Variants in EXOC6B observed in about 807,000 individuals in gnomAD.
The protein encoded by EXOC6B is exocyst complex component 6B, also known as SEC15 homolog B.
EXOC6B carries 54 observed loss-of-function variants against 113.5 expected under a neutral mutation model. The observed-to-expected ratio is 0.48, with a 90% CI of 0.38 to 0.60. EXOC6B has a LOEUF of 0.60. Ranked by LOEUF, EXOC6B falls within the 20% of genes least tolerant of loss-of-function variation. The probability of loss-of-function intolerance (pLI) is 0.00; values close to 1 mark genes in which losing one functional copy is unlikely to be tolerated. For missense variants in EXOC6B, 797 were observed against 977.5 expected (o/e 0.82, Z 2.46); for synonymous variants, 357 against 339.0 (o/e 1.05, Z -0.58).
intron 11 of EXOC6B, among the ~76,000 whole-genome samples, chr2:72,503,744 T>C (rs1416260754): frequency 6.6e-6 from 1 of 152,182 alleles, no homozygotes; most frequent in Non-Finnish European, 1.5e-5. Context: ...AGTAAGACTA[T>C]GTTTCATTTT....
chr2:72,423,762 TACAC>T (rs1055413724), intron 18 of EXOC6B, among the ~76,000 whole-genome samples: 6 of 152,218 alleles, frequency 3.9e-5, no homozygotes, highest in East Asian at 1.9e-4. Context: ...CACACATACA[TACAC>T]ACATGCACAC....
chr2:72,654,390 GT>G (rs1674440129), intron 6 of EXOC6B, among the ~76,000 whole-genome samples: 2 of 152,166 alleles, frequency 1.3e-5, no homozygotes, highest in Admixed American at 1.3e-4. Flanking sequence ...CCCAAAGTTA[GT>G]TTCCTAATTT....
At chr2:72,654,499 A>G (rs535056074) in intron 6 of EXOC6B, among the ~76,000 whole-genome samples, 1 of 152,352 alleles carries the variant, frequency 6.6e-6, no homozygotes, top group Admixed American at 6.5e-5. Context: ...CCTAGGTTTC[A>G]AAACTGATGT....
intron 17 of EXOC6B, among the ~76,000 whole-genome samples, chr2:72,473,117 T>C (rs1320956668): frequency 2.6e-5 from 4 of 152,158 alleles, no homozygotes; most frequent in Admixed American, 2.6e-4. Flanking sequence ...TCTTGGAGAA[T>C]GTTCCTTGTG....
At position 72,731,414 on chromosome 2, in the gene EXOC6B, GCA is replaced by G. The variant is rs1291978485; in HGVS notation, c.328-171_328-170del. ...CTTTCCTAACCAGTAAAACATTCCTGCACAGTTTCCCGCTTTCTCCCCAAGAT... is the reference window on the plus strand; with the variant it reads ...CTTTCCTAACCAGTAAAACATTCCTGCAGTTTCCCGCTTTCTCCCCAAGAT... On this transcript the variant is annotated intron_variant, in intron 3 of 21. Transcript: ENST00000272427. Among the ~76,000 whole-genome samples the G allele has an allele frequency of 2.0e-5, 3 of 152,134 alleles. No individual in the cohort carries two copies. The East Asian group carries it at 5.8e-4, about 29-fold the overall frequency.
intron 20 of EXOC6B, among the ~76,000 whole-genome samples, chr2:72,327,264 C>T (rs1688179302): frequency 6.6e-6 from 1 of 152,034 alleles, no homozygotes; most frequent in Non-Finnish European, 1.5e-5. Flanking sequence ...TGTGCTTGCT[C>T]TCTGAGGAAA....
chr2:72,484,493 G>C (rs988005606), intron 16 of EXOC6B, among the ~76,000 whole-genome samples: 3 of 150,780 alleles, frequency 2.0e-5, no homozygotes, highest in African/African-American at 7.3e-5. Flanking sequence ...CGTGAACCCA[G>C]GAGGCGGAGC....
At chr2:72,427,144 T>A (rs1695242868) in intron 18 of EXOC6B, among the ~76,000 whole-genome samples, 1 of 152,176 alleles carries the variant, frequency 6.6e-6, no homozygotes, top group Non-Finnish European at 1.5e-5. Context: ...GGAGCCCCCC[T>A]GGAGCCAGCC....
At chr2:72,625,898 C>T (rs562586538) in intron 6 of EXOC6B, among the ~76,000 whole-genome samples, 1 of 152,270 alleles carries the variant, frequency 6.6e-6, no homozygotes, top group African/African-American at 2.4e-5. Flanking sequence ...TGGTTTTTTA[C>T]AAAACTATTA....
At chr2:72,576,796 A>C (rs1490889936) in intron 6 of EXOC6B, among the ~76,000 whole-genome samples, 4 of 152,110 alleles carry the variant, frequency 2.6e-5, no homozygotes, top group Non-Finnish European at 4.4e-5. Context: ...TCCCAAGAGA[A>C]CTTTCCTTTT....
intron 15 of EXOC6B, among the ~76,000 whole-genome samples, chr2:72,493,313 T>C (rs1699849229): frequency 4.9e-5 from 2 of 41,084 alleles, no homozygotes; most frequent in South Asian, 5.6e-3. Context: ...ACCTTCTCTG[T>C]TTTTCTCCCC....
intron 6 of EXOC6B, among the ~76,000 whole-genome samples, chr2:72,651,578 A>G (rs1674165456): frequency 6.6e-6 from 1 of 152,222 alleles, no homozygotes; most frequent in African/African-American, 2.4e-5. Context: ...ACACCATCCT[A>G]ATACAATAGT....
intron 6 of EXOC6B, among the ~76,000 whole-genome samples, chr2:72,600,308 G>A (rs773042623): frequency 6.6e-6 from 1 of 151,950 alleles, no homozygotes; most frequent in Non-Finnish European, 1.5e-5. Context: ...CAGTGTGGTG[G>A]CATACACCTG....
At chr2:72,508,122 T>A (rs1016875304) in intron 11 of EXOC6B, among the ~76,000 whole-genome samples, 2 of 79,160 alleles carry the variant, frequency 2.5e-5, no homozygotes, top group Non-Finnish European at 2.4e-5. Context: ...AGTTAATAAA[T>A]ATGATGGGGG....
At chr2:72,499,262 A>G (rs1455695062) in intron 12 of EXOC6B, among the ~76,000 whole-genome samples, 1 of 147,344 alleles carries the variant, frequency 6.8e-6, no homozygotes, top group Non-Finnish European at 1.5e-5. Context: ...ACAGAGTTTC[A>G]CCCTGTCGCC....
At chr2:72,458,755 A>T (rs536571579) in intron 18 of EXOC6B, among the ~76,000 whole-genome samples, 3 of 152,236 alleles carry the variant, frequency 2.0e-5, no homozygotes, top group African/African-American at 7.2e-5. Context: ...AAAAGCATGC[A>T]TTTTAATTCA....
intron 1 of EXOC6B, among the ~76,000 whole-genome samples, chr2:72,777,772 A>G (rs1683793240): frequency 6.6e-6 from 1 of 152,214 alleles, no homozygotes; most frequent in Non-Finnish European, 1.5e-5. Flanking sequence ...ATGAGCATAC[A>G]TTGTATAAAG....
At chr2:72,179,571 G>A in intron 21 of EXOC6B, 110 bp from the exon 22 acceptor site, 1 of 1,274,144 alleles carries the variant, frequency 7.8e-7, no homozygotes, top group African/African-American at 1.5e-5. Flanking sequence ...CCAGAGTAAT[G>A]AGAGAGTCCA....
intron 1 of EXOC6B, among the ~76,000 whole-genome samples, chr2:72,775,942 T>C (rs759409975): frequency 6.6e-6 from 1 of 152,240 alleles, no homozygotes; most frequent in Non-Finnish European, 1.5e-5. Flanking sequence ...AGGTGAATTA[T>C]ATCAATGTCA....
Sources: gnomAD v4.1 joint callset for allele counts (sites outside exome capture counted in the v4.1 genomes callset) on GRCh38, gnomAD v4.1.1 for gene constraint, MANE v1.5 for transcripts, NCBI Gene and HGNC (gene_info 2026-07-23, HGNC 2026-07-21) for gene names.